TAFA4: variants seen among roughly 807,000 people sequenced by gnomAD.
The protein encoded by TAFA4 is chemokine-like protein TAFA-4.
TAFA4 carries 20 observed loss-of-function variants against 21.1 expected under a neutral mutation model. The ratio of observed to expected loss-of-function variants is 0.95; its 90% confidence interval spans 0.67 to 1.38. TAFA4 has a LOEUF of 1.38. Ranked by LOEUF, TAFA4 falls within the 40% of genes most tolerant of loss-of-function variation. The pLI, the probability that TAFA4 is intolerant of heterozygous loss-of-function variation, is 0.00. For synonymous variants in TAFA4, 71 were observed against 67.4 expected (o/e 1.05, Z -0.26); for missense variants, 211 against 180.9 (o/e 1.17, Z -0.95).
At chr3:68,853,044 G>C (rs1170084494) in intron 3 of TAFA4, among the ~76,000 whole-genome samples, 2 of 152,034 alleles carry the variant, frequency 1.3e-5, no homozygotes, top group African/African-American at 2.4e-5. Context: ...TCTTAAACAA[G>C]AAATGCAAAG....
intron 1 of TAFA4, among the ~76,000 whole-genome samples, chr3:68,887,495 A>C (rs1440001357): frequency 6.6e-6 from 1 of 150,708 alleles, no homozygotes; most frequent in African/African-American, 2.4e-5. Flanking sequence ...CCCCTAGTAC[A>C]TGCTCTCTGT....
At chr3:68,900,271 TAATAATAATAAC>T (rs202165643) in intron 1 of TAFA4, among the ~76,000 whole-genome samples, 15 of 61,744 alleles carry the variant, frequency 2.4e-4, no homozygotes, top group South Asian at 1.9e-3. Context: ...ATAATAATAA[TAATAATAATAAC>T]AATAATAATA....
chr3:68,854,154 T>C (rs1705014875), intron 3 of TAFA4, among the ~76,000 whole-genome samples: 1 of 151,938 alleles, frequency 6.6e-6, no homozygotes, highest in South Asian at 2.1e-4. Context: ...AGAGATGACA[T>C]TTACATTTAA....
intron 3 of TAFA4, among the ~76,000 whole-genome samples, chr3:68,844,860 T>C (rs895725292): frequency 6.6e-6 from 1 of 152,240 alleles, no homozygotes; most frequent in Non-Finnish European, 1.5e-5. Flanking sequence ...AGTTCTAATT[T>C]GATTGCACTG....
intron 3 of TAFA4, among the ~76,000 whole-genome samples, chr3:68,799,161 T>C (rs1411597519): frequency 6.6e-6 from 1 of 151,980 alleles, no homozygotes; most frequent in Non-Finnish European, 1.5e-5. Context: ...GAATGTGTTG[T>C]CTTACCTGGT....
intron 2 of TAFA4, among the ~76,000 whole-genome samples, chr3:68,884,433 T>G (rs1204613359): frequency 6.6e-6 from 1 of 152,218 alleles, no homozygotes; most frequent in Non-Finnish European, 1.5e-5. Context: ...TAGTTTCCAC[T>G]CTAGTTTCCT....
chr3:68,918,607 G>A (rs985433824), intron 1 of TAFA4, among the ~76,000 whole-genome samples: 3 of 152,138 alleles, frequency 2.0e-5, no homozygotes, highest in African/African-American at 2.4e-5. Context: ...GTGCAATCAC[G>A]GGTCACTGCA....
chr3:68,787,258 G>A (rs2106806989), intron 3 of TAFA4, among the ~76,000 whole-genome samples: 1 of 152,166 alleles, frequency 6.6e-6, no homozygotes, highest in Admixed American at 6.5e-5. Context: ...ATTCAGCGGA[G>A]ACTGAAATTG....
intron 1 of TAFA4, among the ~76,000 whole-genome samples, chr3:68,887,900 AT>A (rs1472687011): frequency 1.3e-5 from 2 of 152,106 alleles, no homozygotes; most frequent in Admixed American, 1.3e-4. Flanking sequence ...TGTATCAATC[AT>A]TTTAGCAATC....
chr3:68,753,079 A>T, intron 3 of TAFA4, 61 bp from the exon 4 acceptor site: 1 of 1,514,272 alleles, frequency 6.6e-7, no homozygotes, highest in Non-Finnish European at 9.1e-7. Flanking sequence ...GACACCACCA[A>T]AACCAAAATG....
At chr3:68,825,550 C>G (rs913553471) in intron 3 of TAFA4, among the ~76,000 whole-genome samples, 1 of 147,480 alleles carries the variant, frequency 6.8e-6, no homozygotes, top group Non-Finnish European at 1.5e-5. Context: ...TGTGCAGTCA[C>G]TGAATTTTAT....
intron 3 of TAFA4, among the ~76,000 whole-genome samples, chr3:68,876,110 C>T (rs1441406884): frequency 6.6e-6 from 1 of 152,168 alleles, no homozygotes; most frequent in African/African-American, 2.4e-5. Flanking sequence ...ATAGTAGGCT[C>T]TAACCACATG....
chr3:68,874,758 C>T (rs1198198455), intron 3 of TAFA4, among the ~76,000 whole-genome samples: 1 of 151,312 alleles, frequency 6.6e-6, no homozygotes, highest in East Asian at 1.9e-4. Context: ...ATTCTTTACT[C>T]CCGTCAGTAA....
chr3:68,740,934 TGTCA>T (rs1702337125), intron 4 of TAFA4, among the ~76,000 whole-genome samples: 1 of 152,220 alleles, frequency 6.6e-6, no homozygotes, highest in African/African-American at 2.4e-5. Context: ...CTTGTCACCC[TGTCA>T]AAGACTAGTC....
intron 1 of TAFA4, among the ~76,000 whole-genome samples, chr3:68,925,053 T>G (rs971966008): frequency 4.3e-4 from 66 of 152,202 alleles, no homozygotes; most frequent in African/African-American, 1.4e-3. Context: ...TCTGGCTTGC[T>G]TAATGGAGTT....
chr3:68,802,715 C>G (rs1231789866), intron 3 of TAFA4, among the ~76,000 whole-genome samples: 1 of 152,208 alleles, frequency 6.6e-6, no homozygotes, highest in African/African-American at 2.4e-5. Flanking sequence ...AGAGAACTGT[C>G]TGACACATAT....
chr3:68,900,072 C>CTA (rs2089828821), intron 1 of TAFA4, among the ~76,000 whole-genome samples: 1 of 100,088 alleles, frequency 1.0e-5, no homozygotes, highest in Admixed American at 1.3e-4. Flanking sequence ...AACCCTGTCT[C>CTA]TACACACACA....
chr3:68,767,168 T>A (rs1702870232), intron 3 of TAFA4, among the ~76,000 whole-genome samples: 1 of 152,194 alleles, frequency 6.6e-6, no homozygotes, highest in East Asian at 1.9e-4. Flanking sequence ...ACCCAAGTAC[T>A]GTACTCAAAA....
chr3:68,877,231 C>T (rs999185933), intron 3 of TAFA4, among the ~76,000 whole-genome samples: 4 of 151,962 alleles, frequency 2.6e-5, no homozygotes, highest in Admixed American at 6.6e-5. Context: ...CTGTGGTAGG[C>T]GCCTATAACC....
Sources: allele counts gnomAD v4.1 joint callset (sites outside exome capture counted in the v4.1 genomes callset), GRCh38; gene constraint gnomAD v4.1.1; transcripts MANE v1.5; gene names NCBI Gene and HGNC (gene_info 2026-07-23, HGNC 2026-07-21).